The following DPP6 variants were observed in gnomAD, a reference collection of about 807,000 sequenced individuals.
DPP6 encodes dipeptidyl peptidase like 6.
In DPP6, 69 loss-of-function variants were observed where a neutral mutation model predicts 122.6. The observed-to-expected ratio is 0.56, with a 90% CI of 0.46 to 0.69. The LOEUF is 0.69. DPP6 is among the 30% of genes least tolerant of loss of function. DPP6 has a pLI of 0.00. For synonymous variants in DPP6, 418 were observed against 433.1 expected (o/e 0.97, Z 0.43); for missense variants, 928 against 1,116.9 (o/e 0.83, Z 2.41).
chr7:154,811,586 T>C (rs1799064692), intron 16 of DPP6, among the ~76,000 whole-genome samples: 1 of 152,080 alleles, frequency 6.6e-6, no homozygotes, highest in African/African-American at 2.4e-5. Context: ...GCACAAGAAA[T>C]GTTGTAAGAT....
At chr7:154,772,706 CA>C in intron 9 of DPP6, 138 bp from the exon 10 acceptor site, 1 of 1,180,664 alleles carries the variant, frequency 8.5e-7, no homozygotes, top group Non-Finnish European at 1.2e-6. Context: ...TTGTTCTCCA[CA>C]TTAATTCTGC....
chr7:154,043,388 C>A (rs1799859538), intron 1 of DPP6, among the ~76,000 whole-genome samples: 1 of 25,608 alleles, frequency 3.9e-5, no homozygotes, highest in Non-Finnish European at 6.8e-5. Flanking sequence ...AATGAAACTC[C>A]ATCTCAAAAA....
upstream of DPP6, among the ~76,000 whole-genome samples, chr7:153,886,833 T>A (rs957914264): frequency 1.3e-5 from 2 of 152,124 alleles, no homozygotes; most frequent in African/African-American, 4.8e-5. Context: ...CACAGCCGCG[T>A]CTGGCTCTTC....
intron 16 of DPP6, among the ~76,000 whole-genome samples, chr7:154,826,865 T>A (rs897678398): frequency 6.6e-6 from 1 of 152,174 alleles, no homozygotes; most frequent in African/African-American, 2.4e-5. Flanking sequence ...TTTCATTAAT[T>A]TTCTTGCCCA....
chr7:154,744,557 T>C (rs1170107699), intron 8 of DPP6, among the ~76,000 whole-genome samples: 1 of 152,236 alleles, frequency 6.6e-6, no homozygotes, highest in African/African-American at 2.4e-5. Flanking sequence ...CTCTGATTAG[T>C]GAAGGAGGCT....
At chr7:153,809,004 A>C in the DPP6 span, among the ~76,000 whole-genome samples, 42 of 152,166 alleles carry the variant, frequency 2.8e-4, no homozygotes, top group Middle Eastern at 3.4e-3. Context: ...AACAATTTGC[A>C]GTCCCACCAA....
intron 5 of DPP6, among the ~76,000 whole-genome samples, chr7:154,622,716 C>T (rs1834772927): frequency 6.6e-6 from 1 of 152,190 alleles, no homozygotes. Flanking sequence ...AATGGTCATT[C>T]GTTTATGGGG....
intron 1 of DPP6, among the ~76,000 whole-genome samples, chr7:153,936,532 C>T (rs1381076402): frequency 2.6e-5 from 4 of 152,168 alleles, no homozygotes; most frequent in African/African-American, 7.2e-5. Flanking sequence ...AATAGCCGGG[C>T]GTGGTGGCTC....
intron 1 of DPP6, among the ~76,000 whole-genome samples, chr7:154,035,705 A>G (rs796336199): frequency 1.3e-5 from 2 of 152,232 alleles, no homozygotes; most frequent in South Asian, 2.1e-4. Context: ...AGGAAGCTCA[A>G]AGTTACAGCC....
chr7:154,418,607 G>C lies in DPP6; in HGVS notation c.244-27607G>C, dbSNP rs186494508. ...AACACAGCTCTATCTGTGAGTCCTA[G>C]AGGGTAGGAAATAACAGTGACCTCA... On this transcript the variant is annotated intron_variant, in intron 1 of 25. Coordinates refer to ENST00000377770, the MANE Select transcript of DPP6 (RefSeq NM_130797.4). Among the ~76,000 whole-genome samples, 20 of 152,288 alleles carry C rather than the reference G, an allele frequency of 1.3e-4. No individual in the cohort carries two copies. In the East Asian group the frequency reaches 3.9e-3, roughly 29 times the overall value.
chr7:154,351,976 G>A (rs546844698), intron 1 of DPP6, among the ~76,000 whole-genome samples: 4 of 152,142 alleles, frequency 2.6e-5, no homozygotes, highest in South Asian at 2.1e-4. Context: ...GGCACTGGCC[G>A]ACCAGCCTGC....
chr7:154,212,142 C>G (rs140396124), intron 1 of DPP6, among the ~76,000 whole-genome samples: 35 of 152,228 alleles, frequency 2.3e-4, no homozygotes, highest in Middle Eastern at 6.8e-3. Context: ...GCCATCACTC[C>G]CATGCCTGCC....
intron 8 of DPP6, among the ~76,000 whole-genome samples, chr7:154,745,317 A>G (rs919783963): frequency 2.6e-5 from 4 of 152,240 alleles, no homozygotes; most frequent in African/African-American, 9.6e-5. Flanking sequence ...CCAGTTGTCA[A>G]CATCTCTGAG....
rs181665160 is a variant in DPP6 at position 154,810,476 on chromosome 7, G to A, written c.1666+3364G>A. Among the ~76,000 whole-genome samples the A allele has an allele frequency of 2.0e-3, 310 of 152,292 alleles. 1 individual carries two copies. The highest frequency in any genetic ancestry group is 7.1e-3 in the African/African-American group (295 of 41,550). ...GAGCACTATAGGGTGGCTCCTGTGC[G>A]GATTTCTAGTCTGCCACTGGCCTTC... On this transcript the variant is annotated intron_variant, in intron 16 of 25. Transcript: ENST00000377770.
At chr7:154,179,635 G>C (rs1797975518) in intron 1 of DPP6, among the ~76,000 whole-genome samples, 1 of 152,146 alleles carries the variant, frequency 6.6e-6, no homozygotes, top group African/African-American at 2.4e-5. Context: ...CAAAACCTTA[G>C]GTTTGCTTCA....
chr7:154,005,690 T>C (rs576278904), intron 1 of DPP6, among the ~76,000 whole-genome samples: 88 of 59,240 alleles, frequency 1.5e-3, no homozygotes, highest in Middle Eastern at 0.025. Flanking sequence ...GGATGGTTGC[T>C]GGTGGGGGCT....
chr7:153,829,536 C>T, the DPP6 span, among the ~76,000 whole-genome samples: 1 of 152,146 alleles, frequency 6.6e-6, no homozygotes. Flanking sequence ...TTTTGTCTCT[C>T]TCCTTCCCTG....
intron 6 of DPP6, among the ~76,000 whole-genome samples, chr7:154,640,254 C>CAAA (rs943050482): frequency 2.2e-4 from 33 of 151,896 alleles, no homozygotes; most frequent in Admixed American, 1.4e-3. Flanking sequence ...CTCTGTCAAA[C>CAAA]AAAAACAAAA....
chr7:154,796,773 A>T (rs1563220584), intron 12 of DPP6, among the ~76,000 whole-genome samples: 1 of 152,334 alleles, frequency 6.6e-6, no homozygotes, highest in East Asian at 1.9e-4. Context: ...ACATTCCAGC[A>T]CTATAGATGC....
Sources: allele counts gnomAD v4.1 joint callset (sites outside exome capture counted in the v4.1 genomes callset), GRCh38; gene constraint gnomAD v4.1.1; transcripts MANE v1.5; gene names NCBI Gene and HGNC (gene_info 2026-07-23, HGNC 2026-07-21).